Variants in HERC2 observed in about 807,000 individuals in gnomAD.
The protein encoded by HERC2 is E3 ubiquitin-protein ligase HERC2.
A neutral mutation model predicts 537.7 loss-of-function variants in HERC2; 102 were observed. The ratio of observed to expected loss-of-function variants is 0.19; its 90% CI spans 0.16 to 0.22. HERC2 has a LOEUF of 0.22. Ranked by LOEUF, HERC2 falls within the 10% of genes least tolerant of loss-of-function variation. HERC2 has a pLI of 1.00. For synonymous variants in HERC2, 2,224 were observed against 2,466.2 expected (o/e 0.90, Z 2.91); for missense variants, 4,236 against 6,198.2 (o/e 0.68, Z 10.63).
chr15:28,291,480 G>A (rs937740992), intron 4 of HERC2, among the ~76,000 whole-genome samples: 8 of 152,070 alleles, frequency 5.3e-5, no homozygotes, highest in Non-Finnish European at 1.2e-4. Context: ...GGATAATAGT[G>A]GCTAACTCTT....
intron 86 of HERC2, 154 bp from the exon 87 acceptor site, chr15:28,117,308 CT>C: frequency 1.2e-6 from 1 of 822,574 alleles, no homozygotes; most frequent in Non-Finnish European, 2.0e-6. Context: ...CAGGCAGACC[CT>C]GCCGTCTGGG....
At position 28,220,654 on chromosome 15, in the gene HERC2, C is replaced by A. The variant is rs779411562; in HGVS notation, c.5653-10G>T. On this transcript the variant is annotated splice_polypyrimidine_tract_variant and intron_variant, in intron 36 of 92. Coordinates refer to ENST00000261609, the MANE Select transcript of HERC2 (RefSeq NM_004667.6). ...CTGGAGGAGGCCCATCCTGAGAAAG[C>A]CAAAGTAGAGATCAGTTAGGAGGGT... is the stretch of plus-strand genomic sequence containing the variant. 6.2e-7 allele frequency: 1 copy of A among 1,603,112 alleles called. No homozygotes were observed. The highest frequency in any genetic ancestry group is 8.5e-7 in the Non-Finnish European group (1 of 1,179,544).
chr15:28,179,596 T>C (rs903460959), intron 57 of HERC2, among the ~76,000 whole-genome samples: 2 of 152,230 alleles, frequency 1.3e-5, no homozygotes, highest in African/African-American at 4.8e-5. Context: ...TATCATTCTT[T>C]TAGAGTGTAT....
chr15:28,282,199 C>T (rs1368556347), intron 4 of HERC2, among the ~76,000 whole-genome samples: 4 of 152,116 alleles, frequency 2.6e-5, no homozygotes, highest in African/African-American at 9.7e-5. Context: ...CCTATCCCTG[C>T]CAGAGCAGGG....
chr15:28,168,487 G>A lies in HERC2; in HGVS notation c.10333C>T (p.Pro3445Ser), dbSNP rs776734558. The A allele has an allele frequency of 6.2e-7, 1 of 1,614,180 alleles. No individual in the cohort carries two copies. Among genetic ancestry groups the A allele is most frequent in the Non-Finnish European group, 8.5e-7 (1 of 1,180,012 alleles). Residue 3445 changes from proline to serine, a missense_variant, in exon 67 of 93, where the codon CCC (proline) becomes TCC (serine). Pro to Ser is a moderately conservative substitution (Grantham distance 74, BLOSUM62 -1). Around this residue, in one of 27 missense-constraint regions of HERC2, gnomAD observed 356 missense variants for 450.9 expected, o/e 0.79. Transcript: ENST00000261609. ...APSDASAMAS[P>S]MNGEECMLAV... Reference sequence around the variant, plus strand: ...AGCATGCATTCTTCTCCATTCATGGGACTAGCCATCGCAGATGCGTCGGAA... The same window carrying A: ...AGCATGCATTCTTCTCCATTCATGGAACTAGCCATCGCAGATGCGTCGGAA...
Position 28,228,242 on chromosome 15 carries a change from T to C in HERC2, c.5440A>G (p.Thr1814Ala), listed in dbSNP as rs138650689. ...CCAATCAGGCGCAGTGCCGTCTGCG[T>C]GAGGGCCAGCATGCCGGAATTGAGC... Reference protein sequence around the residue: ...LLLNSGMLALTQTALRLIGPS... With the variant: ...LLLNSGMLALAQTALRLIGPS... The change falls in exon 35 of 93, where the codon ACG becomes GCG. Residue 1814 changes from threonine (T) to alanine (A), a missense_variant. Thr to Ala is a moderately conservative substitution (Grantham distance 58). Transcript: ENST00000261609. 4.5e-4 allele frequency: 722 copies of C among 1,613,502 alleles called. 5 individuals carry two copies. In the African/African-American group the frequency reaches 8.5e-3, roughly 19 times the overall value.
Position 28,248,595 on chromosome 15 carries a change from T to C in HERC2, c.3192A>G (p.Lys1064=). The change falls in exon 21 of 93, where the codon AAA becomes AAG. Residue 1064 remains lysine, a synonymous_variant. Transcript: ENST00000261609. ...GACCAATACTTTCTCCTGGATAAAGTTTACTAATAAGCAAACGTTGAAAAC... is the reference window on the plus strand; with the variant it reads ...GACCAATACTTTCTCCTGGATAAAGCTTACTAATAAGCAAACGTTGAAAAC... ...LLRFQRLLIS[K]LYPGESIGQT... 6.2e-7 allele frequency: 1 copy of C among 1,614,058 alleles called. No individual in the cohort carries two copies. Among genetic ancestry groups the C allele is most frequent in the East Asian group, 2.2e-5 (1 of 44,878 alleles).
Position 28,220,443 on chromosome 15 carries a change from G to A in HERC2, c.5845+9C>T, listed in dbSNP as rs751826949. ...TGCCTTGGACTAAACACCTTCCTGAGTCACCCACCAGAGTCATCCTCTGTG... is the reference window on the plus strand; with the variant it reads ...TGCCTTGGACTAAACACCTTCCTGAATCACCCACCAGAGTCATCCTCTGTG... On this transcript the variant is annotated intron_variant, in intron 37 of 92. Transcript: ENST00000261609. 6.7e-5 allele frequency: 108 copies of A among 1,606,532 alleles called. No homozygotes were observed. Among genetic ancestry groups the A allele is most frequent in the Non-Finnish European group, 8.6e-5 (102 of 1,179,398 alleles).
intron 20 of HERC2, 135 bp downstream of exon 20, chr15:28,254,205 C>A (rs1254674764): frequency 3.4e-6 from 2 of 592,032 alleles, no homozygotes; most frequent in East Asian, 6.4e-5. Flanking sequence ...ATCACTTGAA[C>A]CTGGGAGGCG....
intron 30 of HERC2, among the ~76,000 whole-genome samples, chr15:28,232,757 T>C (rs1369017213): frequency 6.6e-6 from 1 of 152,210 alleles, no homozygotes; most frequent in Admixed American, 6.5e-5. Flanking sequence ...TGTATCAGAA[T>C]ACTCAATATT....
At chr15:28,235,893 C>G (rs1902385425) in intron 26 of HERC2, among the ~76,000 whole-genome samples, 1 of 152,136 alleles carries the variant, frequency 6.6e-6, no homozygotes, top group South Asian at 2.1e-4. Flanking sequence ...AAATGCACAA[C>G]TATATGAAAG....
intron 65 of HERC2, 80 bp from the exon 66 acceptor site, chr15:28,169,735 A>G: frequency 7.1e-7 from 1 of 1,402,472 alleles, no homozygotes; most frequent in Non-Finnish European, 9.8e-7. Context: ...CTTACAGGTT[A>G]GTTCCAAAAC....
At chr15:28,295,640 C>T (rs568689725) in intron 3 of HERC2, among the ~76,000 whole-genome samples, 93 of 152,146 alleles carry the variant, frequency 6.1e-4, no homozygotes, top group Non-Finnish European at 1.1e-3. Flanking sequence ...TCAGGTGATC[C>T]GCCTGCCTCG....
chr15:28,186,380 AAATAT>A (rs1422170823), intron 56 of HERC2, among the ~76,000 whole-genome samples, 192 bp downstream of exon 56: 1 of 152,348 alleles, frequency 6.6e-6, no homozygotes, highest in African/African-American at 2.4e-5. Flanking sequence ...GTATTTTTCT[AAATAT>A]AATGTGTTTC....
At chr15:28,193,227 A>C (rs1897017408) in intron 52 of HERC2, among the ~76,000 whole-genome samples, 1 of 152,216 alleles carries the variant, frequency 6.6e-6, no homozygotes, top group Admixed American at 6.5e-5. Flanking sequence ...TGGAGTTAGA[A>C]GACACAGACT....
At chr15:28,237,778 C>T (rs1232498116) in intron 25 of HERC2, among the ~76,000 whole-genome samples, 3 of 152,212 alleles carry the variant, frequency 2.0e-5, no homozygotes, top group African/African-American at 7.2e-5. Flanking sequence ...TACACTTCTA[C>T]ATAGTTCTTC....
At chr15:28,233,097 G>A (rs1242149252) in intron 30 of HERC2, 49 bp downstream of exon 30, 1 of 1,420,910 alleles carries the variant, frequency 7.0e-7, no homozygotes, top group East Asian at 2.3e-5. Context: ...CAATGTGGCA[G>A]GGTGAAGCAC....
At chr15:28,254,935 C>T (rs575925133) in intron 19 of HERC2, among the ~76,000 whole-genome samples, 3 of 152,344 alleles carry the variant, frequency 2.0e-5, no homozygotes, top group African/African-American at 4.8e-5. Context: ...TGAACACGCA[C>T]CTGCCCCAGG....
chr15:28,145,923 C>T (rs543817240), intron 71 of HERC2, among the ~76,000 whole-genome samples: 34 of 152,202 alleles, frequency 2.2e-4, no homozygotes, highest in Non-Finnish European at 4.6e-4. Context: ...TTTGAAGAAG[C>T]TCTGCAGTAT....
Sources: gnomAD v4.1 joint callset for allele counts (sites outside exome capture counted in the v4.1 genomes callset) on GRCh38, gnomAD v4.1.1 for gene constraint, gnomAD v4.1.1 regional missense constraint, MANE v1.5 for transcripts, NCBI Gene and HGNC (gene_info 2026-07-23, HGNC 2026-07-21) for gene names.